The following SCAMP2 variants were observed in gnomAD, a reference collection of about 807,000 sequenced individuals.
SCAMP2 encodes secretory carrier membrane protein 2, also known as secretory carrier-associated membrane protein 2.
Under a neutral mutation model 44.1 loss-of-function variants are expected in SCAMP2, and 25 were observed. That is an observed-to-expected ratio of 0.57 (90% CI 0.41 to 0.79). The LOEUF is 0.79. Ranked by LOEUF, SCAMP2 falls within the 30% of genes least tolerant of loss-of-function variation. SCAMP2 has a pLI of 0.00. For synonymous variants in SCAMP2, 156 were observed against 166.0 expected (o/e 0.94, Z 0.46); for missense variants, 355 against 411.0 (o/e 0.86, Z 1.18).
rs752993233 is a variant in SCAMP2 at position 74,863,926 on chromosome 15, GGA to G, written c.57+9271_57+9272del. Among the ~76,000 whole-genome samples, 14 of 152,298 alleles carry G rather than the reference GGA, an allele frequency of 9.2e-5. No individual in the cohort carries two copies. The East Asian group carries it at 1.3e-3, about 15-fold the overall frequency. ...GAGGAGAGAGTAATTAAGCTGTCTG[GGA>G]GAGTCAGGGAAGGCTCTACTGAGCT... On this transcript the variant is annotated intron_variant, in intron 1 of 8. Transcript: ENST00000268099.
chr15:74,850,647 G>A lies in SCAMP2; in HGVS notation c.499C>T (p.Leu167=), dbSNP rs1399801988. Residue 167 remains leucine (L), a synonymous_variant, in exon 6 of 9, where the codon CTG becomes TTG. Transcript: ENST00000268099. ...GAGAACCAGGCCAGGCAGGCAAGCA[G>A]GTTCAGAAACAGAGTCACTGAATGC... ...MLHSVTLFLN[L]LACLAWFSGN... 3.1e-6 allele frequency: 5 copies of A among 1,613,962 alleles called. No homozygotes were observed. The highest frequency in any genetic ancestry group is 4.2e-6 in the Non-Finnish European group (5 of 1,179,980).
Position 74,873,278 on chromosome 15 carries a change from A to T in SCAMP2, c.-23T>A, listed in dbSNP as rs1023967366. On this transcript the variant is annotated 5_prime_UTR_variant, in exon 1 of 9. Coordinates refer to ENST00000268099, the MANE Select transcript of SCAMP2 (RefSeq NM_005697.5). ...CATGGTGATCGGGGGCCAGCGGGCG[A>T]ACTCCGCGAACGCTGCTGCCTCCGG... 6.8e-7 allele frequency: 1 copy of T among 1,477,854 alleles called. No individual in the cohort carries two copies. The highest frequency in any genetic ancestry group is 8.9e-7 in the Non-Finnish European group (1 of 1,118,692). 91.5% of individuals were successfully genotyped at this position (1,477,854 alleles called of 1,614,324 possible).
intron 3 of SCAMP2, chr15:74,853,298 G>T: frequency 2.4e-6 from 1 of 423,084 alleles, no homozygotes. Context: ...AGGGCTCTGG[G>T]GCCTGGGAGG....
rs1390609760 is a variant in SCAMP2, at chr15:74,843,831, ACC to A, written c.*1250_*1251del. ...AAAATACCAGAAAGGAGTTCATAAA[ACC>A]CCAGCCGCTGCCAGTATCATTCAGT... On this transcript the variant is annotated 3_prime_UTR_variant, in exon 9 of 9. Transcript: ENST00000268099. 6.6e-6 allele frequency: 1 copy of A among 151,572 alleles called. No individual in the cohort carries two copies. Among genetic ancestry groups the A allele is most frequent in the Non-Finnish European group, 1.5e-5 (1 of 67,806 alleles). The allele number at this position is 151,572 out of a possible 1,614,324, so 9.4% of individuals were successfully genotyped here.
rs1268341443 is a variant in SCAMP2 at position 74,866,378 on chromosome 15, G to A, written c.57+6821C>T. On this transcript the variant is annotated intron_variant, in intron 1 of 8. Transcript: ENST00000268099. Reference sequence around the variant, plus strand: ...GGAGTACAGGGATGACAGCAAGCAGGAGCGACTTTTGGTTCTTGGCACTAC... The same window carrying A: ...GGAGTACAGGGATGACAGCAAGCAGAAGCGACTTTTGGTTCTTGGCACTAC... 2.6e-5 allele frequency among the ~76,000 whole-genome samples: 4 copies of A among 151,864 alleles called. No individual in the cohort carries two copies. In the East Asian group the frequency reaches 7.8e-4, roughly 30 times the overall value.
At chr15:74,868,109 T>C (rs2064554448) in intron 1 of SCAMP2, among the ~76,000 whole-genome samples, 1 of 152,234 alleles carries the variant, frequency 6.6e-6, no homozygotes, top group South Asian at 2.1e-4. Context: ...ACAAAGCAGC[T>C]GCCATAACCA....
At chr15:74,860,891 C>A (rs2064499128) in intron 1 of SCAMP2, among the ~76,000 whole-genome samples, 2 of 149,598 alleles carry the variant, frequency 1.3e-5, no homozygotes, top group South Asian at 4.2e-4. Flanking sequence ...TAAATAAATT[C>A]TGGCCAGGCA....
At position 74,854,849 on chromosome 15, in the gene SCAMP2, G is replaced by A. The variant is rs1299279442; in HGVS notation, c.58-200C>T. The stretch of plus-strand genomic sequence containing the variant: ...TTCTCCCTTCCCCCTTCCTGGAAAA[G>A]GTTCAGCCCAGAAGAGACCCAGAGC... On this transcript the variant is annotated intron_variant, in intron 1 of 8. Coordinates refer to ENST00000268099, the MANE Select transcript of SCAMP2 (RefSeq NM_005697.5). Among the ~76,000 whole-genome samples the A allele has an allele frequency of 2.0e-5, 3 of 152,140 alleles. No individual in the cohort carries two copies. In the East Asian group the frequency reaches 5.8e-4, roughly 29 times the overall value.
chr15:74,848,772 A>G, intron 6 of SCAMP2, 71 bp from the exon 7 acceptor site: 1 of 1,115,682 alleles, frequency 9.0e-7, no homozygotes, highest in Admixed American at 2.0e-5. Flanking sequence ...ACTTGGTGTG[A>G]CATCCCTCCT....
intron 5 of SCAMP2, 129 bp downstream of exon 5, chr15:74,851,224 C>G: frequency 8.9e-7 from 1 of 1,123,726 alleles, no homozygotes; most frequent in South Asian, 1.5e-5. Flanking sequence ...CCCAACCCAG[C>G]CCAGGCACTG....
chr15:74,872,369 T>A (rs1403770852), intron 1 of SCAMP2, among the ~76,000 whole-genome samples: 2 of 146,702 alleles, frequency 1.4e-5, no homozygotes, highest in African/African-American at 5.1e-5. Context: ...GCGGAAATCG[T>A]GCCAATGCAC....
At chr15:74,864,646 G>A (rs975394628) in intron 1 of SCAMP2, among the ~76,000 whole-genome samples, 1 of 152,124 alleles carries the variant, frequency 6.6e-6, no homozygotes, top group Non-Finnish European at 1.5e-5. Context: ...GGTGAAGTGA[G>A]GACCAAATTG....
At chr15:74,848,096 C>G (rs948021590) in intron 7 of SCAMP2, among the ~76,000 whole-genome samples, 1 of 148,514 alleles carries the variant, frequency 6.7e-6, no homozygotes, top group Non-Finnish European at 1.5e-5. Context: ...GATACAGGAT[C>G]TCACTCTGTC....
At chr15:74,861,031 C>T (rs1173480704) in intron 1 of SCAMP2, among the ~76,000 whole-genome samples, 1 of 151,824 alleles carries the variant, frequency 6.6e-6, no homozygotes, top group Admixed American at 6.6e-5. Context: ...AAAAATTAGC[C>T]AGGCATGGTG....
chr15:74,872,215 C>A (rs181645703), intron 1 of SCAMP2, among the ~76,000 whole-genome samples: 1,575 of 152,128 alleles, frequency 0.01, 30 homozygotes, highest in African/African-American at 0.036. Context: ...GAGTTTGAGA[C>A]CAGCCTGGCC....
intron 1 of SCAMP2, among the ~76,000 whole-genome samples, chr15:74,862,630 G>A (rs1194924634): frequency 2.0e-5 from 3 of 151,314 alleles, no homozygotes; most frequent in African/African-American, 7.3e-5. Flanking sequence ...AAATATGGAA[G>A]ACTTATTTTC....
At chr15:74,863,217 C>A (rs1047548499) in intron 1 of SCAMP2, among the ~76,000 whole-genome samples, 6 of 151,648 alleles carry the variant, frequency 4.0e-5, no homozygotes, top group Admixed American at 2.0e-4. Flanking sequence ...TGGTGGCAGG[C>A]GCCTGTAACC....
In SCAMP2 at chr15:74,857,429, G is replaced by A. The variant is rs374150796; in HGVS notation, c.58-2780C>T. Among the ~76,000 whole-genome samples, 20 of 152,312 alleles carry A rather than the reference G, an allele frequency of 1.3e-4. No individual in the cohort carries two copies. The East Asian group carries it at 3.9e-3, about 29-fold the overall frequency. On this transcript the variant is annotated intron_variant, in intron 1 of 8. Coordinates refer to ENST00000268099, the MANE Select transcript of SCAMP2 (RefSeq NM_005697.5). The stretch of plus-strand genomic sequence containing the variant: ...AAGGAAGATTTGGGGCTTGGTATCT[G>A]TTCCCCTCTCAGACTCAGCAGACAC...
At chr15:74,865,484 G>A (rs1293680815) in intron 1 of SCAMP2, among the ~76,000 whole-genome samples, 1 of 151,834 alleles carries the variant, frequency 6.6e-6, no homozygotes, top group African/African-American at 2.4e-5. Flanking sequence ...GGTGTGGTGG[G>A]GTAGGGAGAG....
Sources: gnomAD v4.1 joint callset for allele counts (sites outside exome capture counted in the v4.1 genomes callset) on GRCh38, gnomAD v4.1.1 for gene constraint, MANE v1.5 for transcripts, NCBI Gene and HGNC (gene_info 2026-07-23, HGNC 2026-07-21) for gene names.